Variants in CYTH1 observed in about 807,000 individuals in gnomAD.
The protein encoded by CYTH1 is cytohesin-1.
In CYTH1, 18 loss-of-function variants were observed where a neutral mutation model predicts 61.8. That is an observed-to-expected ratio of 0.29 (90% CI 0.20 to 0.43). The LOEUF is 0.43. Ranked by LOEUF, CYTH1 falls within the 20% of genes least tolerant of loss-of-function variation. The probability of loss-of-function intolerance (pLI) is 1.00; values close to 1 mark genes in which losing one functional copy is unlikely to be tolerated. For missense variants in CYTH1, 336 were observed against 510.5 expected, an observed-to-expected ratio of 0.66 and a Z score of 3.29; for synonymous variants, 174 against 184.3, an observed-to-expected ratio of 0.94 and a Z score of 0.45.
chr17:78,720,822 G>GC (rs2093221946), intron 1 of CYTH1, among the ~76,000 whole-genome samples: 1 of 152,158 alleles, frequency 6.6e-6, no homozygotes, highest in South Asian at 2.1e-4. Flanking sequence ...GTTGCAGTGA[G>GC]CCCAGGTTGC....
At chr17:78,747,170 A>AAAAAAAC (rs1567872924) in intron 1 of CYTH1, among the ~76,000 whole-genome samples, 1 of 148,904 alleles carries the variant, frequency 6.7e-6, no homozygotes, top group African/African-American at 2.5e-5. Context: ...AAAAAAAAAA[A>AAAAAAAC]GAAAAAACTA....
At chr17:78,684,276 C>T (rs78722389) in intron 11 of CYTH1, among the ~76,000 whole-genome samples, 1,987 of 152,294 alleles carry the variant, frequency 0.013, 43 homozygotes, top group African/African-American at 0.045. Flanking sequence ...CAGGTGCTCA[C>T]GCTATCCCTC....
chr17:78,683,134 AT>A (rs921112934), intron 11 of CYTH1, among the ~76,000 whole-genome samples: 68 of 150,740 alleles, frequency 4.5e-4, no homozygotes, highest in African/African-American at 1.4e-3. Flanking sequence ...TTCCAGGAGG[AT>A]TTTTTTTTAT....
At chr17:78,684,961 G>T (rs890659924) in intron 11 of CYTH1, among the ~76,000 whole-genome samples, 7 of 152,194 alleles carry the variant, frequency 4.6e-5, no homozygotes, top group Non-Finnish European at 8.8e-5. Context: ...AGCACTTTGG[G>T]AGGCTGAGGC....
At chr17:78,773,503 G>A (rs1220642781) in intron 1 of CYTH1, among the ~76,000 whole-genome samples, 2 of 149,910 alleles carry the variant, frequency 1.3e-5, no homozygotes, top group African/African-American at 5.0e-5. Flanking sequence ...GGTGGCGTGC[G>A]CCTGTAATTC....
At position 78,713,805 on chromosome 17, in the gene CYTH1, G is replaced by A. The variant is rs74001211; in HGVS notation, c.23-4073C>T. Among the ~76,000 whole-genome samples, 209 of 150,220 alleles carry A rather than the reference G, an allele frequency of 1.4e-3. 2 individuals are homozygous for A. Among genetic ancestry groups the A allele is most frequent in the African/African-American group, 5.0e-3 (200 of 40,336 alleles). On this transcript the variant is annotated intron_variant, in intron 1 of 13. Transcript: ENST00000446868. ...ATCTCAAGACTGCTATATACCCTGA[G>A]AAGCCAACTTGTATCATTCTAAACT...
At position 78,717,694 on chromosome 17, in the gene CYTH1, G is replaced by A. The variant is rs751779899; in HGVS notation, c.23-7962C>T. Among the ~76,000 whole-genome samples, 6 of 152,116 alleles carry A rather than the reference G, an allele frequency of 3.9e-5. No homozygotes were observed. The highest frequency in any genetic ancestry group is 9.7e-5 in the African/African-American group (4 of 41,414). On this transcript the variant is annotated intron_variant, in intron 1 of 13. Transcript: ENST00000446868. This position sits in a 1 kb window ranked among gnomAD's most constrained non-coding sequence, Gnocchi z 4.4. ...CTCCACCGGCCACAGGCAGATGCCC[G>A]GGGATATGCCATAAAGTTCCACGGA... is the stretch of plus-strand genomic sequence containing the variant.
chr17:78,737,664 T>C (rs1052706595), intron 1 of CYTH1, among the ~76,000 whole-genome samples: 2 of 151,840 alleles, frequency 1.3e-5, no homozygotes. Flanking sequence ...ATCTCCATTA[T>C]GATTTCTAAT....
intron 1 of CYTH1, among the ~76,000 whole-genome samples, chr17:78,764,122 A>G (rs1422419644): frequency 6.6e-6 from 1 of 152,124 alleles, no homozygotes; most frequent in Non-Finnish European, 1.5e-5. Flanking sequence ...AAGAAAAAAC[A>G]AAACATAGAA....
intron 1 of CYTH1, among the ~76,000 whole-genome samples, chr17:78,725,482 G>A (rs115623049): frequency 6.6e-6 from 1 of 152,116 alleles, no homozygotes; most frequent in Non-Finnish European, 1.5e-5. Flanking sequence ...AGTCCTAAGG[G>A]CTGTCTTATT....
chr17:78,715,297 C>T (rs547366460), intron 1 of CYTH1, among the ~76,000 whole-genome samples: 1 of 152,192 alleles, frequency 6.6e-6, no homozygotes, highest in African/African-American at 2.4e-5. Flanking sequence ...TTATCTGAAC[C>T]CCAAATTCTC....
At chr17:78,756,988 CT>C (rs869039489) in intron 1 of CYTH1, among the ~76,000 whole-genome samples, 349 of 129,742 alleles carry the variant, frequency 2.7e-3, no homozygotes, top group Middle Eastern at 0.012. Flanking sequence ...TCTTTTTTTT[CT>C]TTTTTTTTTT....
intron 3 of CYTH1, among the ~76,000 whole-genome samples, chr17:78,703,727 T>C (rs2093037195): frequency 1.3e-5 from 2 of 152,324 alleles, no homozygotes; most frequent in South Asian, 4.1e-4. Context: ...TAGCATAATG[T>C]TGTCAAGGTC....
intron 1 of CYTH1, among the ~76,000 whole-genome samples, chr17:78,746,428 T>C (rs962905202): frequency 1.3e-5 from 2 of 152,190 alleles, no homozygotes; most frequent in Non-Finnish European, 2.9e-5. Context: ...CAAGATTTTA[T>C]TACAAAGGCC....
intron 1 of CYTH1, among the ~76,000 whole-genome samples, chr17:78,774,057 T>C (rs753814461): frequency 1.3e-4 from 20 of 150,618 alleles, no homozygotes; most frequent in Non-Finnish European, 2.2e-4. Flanking sequence ...GTTTGCTTGT[T>C]TGTTTTAAAA....
intron 1 of CYTH1, among the ~76,000 whole-genome samples, chr17:78,734,189 G>A (rs1007053513): frequency 4.6e-5 from 7 of 151,642 alleles, no homozygotes; most frequent in Non-Finnish European, 1.0e-4. Flanking sequence ...GGCAGAGGTT[G>A]CAGTGAGCCA....
chr17:78,781,902 TCGCGGCGACCCCTGGCCC>T (rs1314768543), intron 1 of CYTH1, among the ~76,000 whole-genome samples: 1 of 141,480 alleles, frequency 7.1e-6, no homozygotes, highest in Non-Finnish European at 1.5e-5. Flanking sequence ...TCCTCAGAGC[TCGCGGCGACCCCTGGCCC>T]CGCGAGACCG....
chr17:78,686,843 G>A (rs150409295), intron 11 of CYTH1, among the ~76,000 whole-genome samples: 2 of 152,018 alleles, frequency 1.3e-5, no homozygotes, highest in Admixed American at 6.6e-5. Flanking sequence ...GTGCAATGGC[G>A]AGATCTTGGC....
At chr17:78,765,723 A>G (rs999919712) in intron 1 of CYTH1, among the ~76,000 whole-genome samples, 5 of 152,246 alleles carry the variant, frequency 3.3e-5, no homozygotes, top group African/African-American at 1.2e-4. Context: ...GCCACAGCAC[A>G]AGACAGTGGT....
Sources: allele counts gnomAD v4.1 joint callset (sites outside exome capture counted in the v4.1 genomes callset), GRCh38; gene constraint gnomAD v4.1.1; non-coding constraint Gnocchi (gnomAD v3.1); transcripts MANE v1.5; gene names NCBI Gene and HGNC (gene_info 2026-07-23, HGNC 2026-07-21).